Variants in CSMD1 observed in about 807,000 individuals in gnomAD.
The protein encoded by CSMD1 is CUB and Sushi multiple domains 1, also known as CUB and sushi domain-containing protein 1.
A neutral mutation model predicts 417.5 loss-of-function variants in CSMD1; 213 were observed. The observed-to-expected ratio is 0.51, with a 90% CI of 0.46 to 0.57. The LOEUF (loss-of-function observed/expected upper bound fraction) is 0.57. CSMD1 is among the 20% of genes least tolerant of loss of function. CSMD1 has a pLI of 0.00. For missense variants in CSMD1, 6,923 were observed against 4,529.7 expected, an observed-to-expected ratio of 1.53 and a Z score of -15.17; for synonymous variants, 2,862 against 1,736.8, an observed-to-expected ratio of 1.65 and a Z score of -16.11.
chr8:3,644,870 G>C (rs1224433069), intron 7 of CSMD1, among the ~76,000 whole-genome samples: 1 of 149,962 alleles, frequency 6.7e-6, no homozygotes, highest in African/African-American at 2.5e-5. Flanking sequence ...ATTGCTGTTG[G>C]GTGCATCTGC....
intron 3 of CSMD1, among the ~76,000 whole-genome samples, chr8:4,327,960 T>C (rs1799651398): frequency 6.6e-6 from 1 of 152,206 alleles, no homozygotes; most frequent in South Asian, 2.1e-4. Flanking sequence ...ATCTAGAAGT[T>C]GAATGAAATT....
At chr8:4,632,188 C>T (rs1021281089) in intron 2 of CSMD1, among the ~76,000 whole-genome samples, 2 of 152,016 alleles carry the variant, frequency 1.3e-5, no homozygotes, top group East Asian at 3.9e-4. Flanking sequence ...GATGAGTTGC[C>T]CTGAATCAGG....
At chr8:4,007,517 C>T (rs149441941) in intron 4 of CSMD1, among the ~76,000 whole-genome samples, 1 of 152,256 alleles carries the variant, frequency 6.6e-6, no homozygotes, top group South Asian at 2.1e-4. Context: ...CATATTTAAA[C>T]TAGCACTCAC....
At chr8:4,356,655 A>C (rs1425388669) in intron 3 of CSMD1, among the ~76,000 whole-genome samples, 1 of 152,100 alleles carries the variant, frequency 6.6e-6, no homozygotes, top group African/African-American at 2.4e-5. Context: ...AAGGTAGTTC[A>C]CATACACCTG....
At chr8:4,632,369 C>T (rs988503585) in intron 2 of CSMD1, among the ~76,000 whole-genome samples, 4 of 147,030 alleles carry the variant, frequency 2.7e-5, no homozygotes, top group South Asian at 2.2e-4. Flanking sequence ...AAAAATTAGC[C>T]AGGTGTGGTG....
At chr8:3,698,675 C>A (rs1055220533) in intron 7 of CSMD1, among the ~76,000 whole-genome samples, 2 of 152,176 alleles carry the variant, frequency 1.3e-5, no homozygotes, top group Non-Finnish European at 2.9e-5. Flanking sequence ...AGTAACACGC[C>A]TGGTATTCCT....
intron 5 of CSMD1, among the ~76,000 whole-genome samples, chr8:3,938,078 G>T (rs34326812): frequency 6.6e-6 from 1 of 151,900 alleles, no homozygotes. Flanking sequence ...GGATTACACA[G>T]GATCGTGTAG....
intron 5 of CSMD1, among the ~76,000 whole-genome samples, chr8:3,879,819 G>A (rs1270944500): frequency 7.0e-6 from 1 of 142,546 alleles, no homozygotes; most frequent in Non-Finnish European, 1.5e-5. Context: ...TATAGAGTGT[G>A]TACCGGTGTG....
chr8:3,397,530 C>G (rs754606086), intron 16 of CSMD1, among the ~76,000 whole-genome samples: 3 of 152,212 alleles, frequency 2.0e-5, no homozygotes, highest in East Asian at 1.9e-4. Context: ...TATCACACAT[C>G]TGGACCAGAA....
At chr8:3,775,384 A>T (rs373798769) in intron 5 of CSMD1, among the ~76,000 whole-genome samples, 84 of 152,330 alleles carry the variant, frequency 5.5e-4, no homozygotes, top group African/African-American at 1.1e-3. Context: ...AGCAGGTAAC[A>T]GGCCCAGGTA....
intron 7 of CSMD1, among the ~76,000 whole-genome samples, chr8:3,639,283 C>G (rs958855875): frequency 3.3e-5 from 5 of 152,088 alleles, no homozygotes; most frequent in African/African-American, 9.7e-5. Flanking sequence ...GAATAATATA[C>G]TTTATTATTA....
Position 4,306,746 on chromosome 8 carries a change from G to A in CSMD1, c.415+113207C>T, listed in dbSNP as rs545123958. Among the ~76,000 whole-genome samples the A allele has an allele frequency of 3.7e-4, 56 of 152,142 alleles. No homozygotes were observed. The East Asian group carries it at 0.01, about 28-fold the overall frequency. Reference sequence around the variant, plus strand: ...ACCTCTAAATGAGTGCCCGACCGCAGCAGGGTAGTGTTCTGGTGCGAGTCC... The same window carrying A: ...ACCTCTAAATGAGTGCCCGACCGCAACAGGGTAGTGTTCTGGTGCGAGTCC... On this transcript the variant is annotated intron_variant, in intron 3 of 69. Coordinates refer to ENST00000635120, the MANE Select transcript of CSMD1 (RefSeq NM_033225.6).
rs550131428 is a variant in CSMD1, at chr8:3,609,074, T to C, written c.1097+7636A>G. Among the ~76,000 whole-genome samples, 13 of 152,332 alleles carry C rather than the reference T, an allele frequency of 8.5e-5. No individual in the cohort carries two copies. In the East Asian group the frequency reaches 2.3e-3, roughly 27 times the overall value. On this transcript the variant is annotated intron_variant, in intron 8 of 69. Coordinates refer to ENST00000635120, the MANE Select transcript of CSMD1 (RefSeq NM_033225.6). ...TATTATAATTATCTGTGTTACAAAC[T>C]ACCAAGGTCAATAGAAGCTTTGATA...
At position 3,586,160 on chromosome 8, in the gene CSMD1, T is replaced by G; in HGVS notation, c.1198A>C (p.Ser400Arg). 3 of 1,612,804 alleles carry G rather than the reference T, an allele frequency of 1.9e-6. No individual in the cohort carries two copies. Among genetic ancestry groups the G allele is most frequent in the East Asian group, 4.5e-5 (2 of 44,790 alleles). Reference protein sequence around the residue: ...QRVTETLAAWSDHRPICRART... With the variant: ...QRVTETLAAWRDHRPICRART... ...CCTCGGCAGATGGGCCTGTGGTCAC[T>G]CCAAGCAGCGAGCGTCTCTGTAACT... Residue 400 changes from serine (S) to arginine (R), a missense_variant, in exon 9 of 70, where the codon AGT becomes CGT. By Grantham distance (110) the Ser-to-Arg change is moderately radical (BLOSUM62 -1). Transcript: ENST00000635120.
At chr8:3,488,877 A>T (rs1413604277) in intron 11 of CSMD1, among the ~76,000 whole-genome samples, 1 of 152,230 alleles carries the variant, frequency 6.6e-6, no homozygotes, top group African/African-American at 2.4e-5. Context: ...CAGAGTTTTA[A>T]GAATCTTATT....
At chr8:4,060,638 G>C (rs1310432506) in intron 3 of CSMD1, among the ~76,000 whole-genome samples, 1 of 152,170 alleles carries the variant, frequency 6.6e-6, no homozygotes, top group Non-Finnish European at 1.5e-5. Context: ...TACTGGAGGA[G>C]GATCTGCAAA....
Position 3,150,946 on chromosome 8 carries a change from G to A in CSMD1, c.6031+451C>T, listed in dbSNP as rs550576907. Among the ~76,000 whole-genome samples, 46 of 152,088 alleles carry A rather than the reference G, an allele frequency of 3.0e-4. 1 individual carries two copies. Among genetic ancestry groups the A allele is most frequent in the African/African-American group, 1.1e-3 (45 of 41,492 alleles). Reference sequence around the variant, plus strand: ...ACTTATTTATTAACCTGAAAACAATGTAATATATAGCAAAAATGTATAAAA... The same window carrying A: ...ACTTATTTATTAACCTGAAAACAATATAATATATAGCAAAAATGTATAAAA... On this transcript the variant is annotated intron_variant, in intron 40 of 69. Coordinates refer to ENST00000635120, the MANE Select transcript of CSMD1 (RefSeq NM_033225.6).
chr8:4,963,463 G>A (rs1809653826), intron 1 of CSMD1, among the ~76,000 whole-genome samples: 2 of 152,132 alleles, frequency 1.3e-5, no homozygotes, highest in Admixed American at 6.6e-5. Context: ...ACCTCCCAAA[G>A]TGCTGGGATT....
intron 5 of CSMD1, among the ~76,000 whole-genome samples, chr8:3,834,600 G>C (rs1563127545): frequency 6.6e-6 from 1 of 152,198 alleles, no homozygotes; most frequent in African/African-American, 2.4e-5. Flanking sequence ...TGTAACAAAT[G>C]TGAAGGTAAT....
Sources: gnomAD v4.1 joint callset for allele counts (sites outside exome capture counted in the v4.1 genomes callset) on GRCh38, gnomAD v4.1.1 for gene constraint, MANE v1.5 for transcripts, NCBI Gene and HGNC (gene_info 2026-07-23, HGNC 2026-07-21) for gene names.